Variants in ACTR3 observed in about 807,000 individuals in gnomAD.
ACTR3 encodes actin-related protein 3.
ACTR3 carries 12 observed loss-of-function variants against 56.8 expected under a neutral mutation model. The observed-to-expected ratio is 0.21, with a 90% confidence interval of 0.14 to 0.34. The LOEUF is 0.34. Among genes scored for constraint, ACTR3 ranks in the 10% least tolerant of loss-of-function variants. The pLI, the probability that ACTR3 is intolerant of heterozygous loss-of-function variation, is 1.00. For missense variants in ACTR3, 282 were observed against 512.5 expected, an observed-to-expected ratio of 0.55 and a Z score of 4.34; for synonymous variants, 162 against 167.4, an observed-to-expected ratio of 0.97 and a Z score of 0.25.
chr2:113,916,718 T>C (rs1679411236), intron 2 of ACTR3, among the ~76,000 whole-genome samples, 166 bp from the exon 3 acceptor site: 1 of 152,200 alleles, frequency 6.6e-6, no homozygotes, highest in Non-Finnish European at 1.5e-5. Flanking sequence ...TTGTGTGAAA[T>C]GAATTTTGTC....
At chr2:113,929,500 T>C (rs1679680034) in intron 4 of ACTR3, among the ~76,000 whole-genome samples, 1 of 152,184 alleles carries the variant, frequency 6.6e-6, no homozygotes, top group Non-Finnish European at 1.5e-5. Context: ...TGTGGACATA[T>C]GTTTTCATTT....
At chr2:113,957,112 G>T (rs1318058906) in intron 11 of ACTR3, among the ~76,000 whole-genome samples, 2 of 152,166 alleles carry the variant, frequency 1.3e-5, no homozygotes, top group African/African-American at 2.4e-5. Context: ...CAGAATCCTC[G>T]CAGCAGGTGT....
At chr2:113,893,486 G>A (rs1296019217) in intron 1 of ACTR3, among the ~76,000 whole-genome samples, 6 of 152,166 alleles carry the variant, frequency 3.9e-5, no homozygotes, top group East Asian at 1.9e-4. Context: ...TAGAGATGGG[G>A]TTTCACCATG....
intron 1 of ACTR3, among the ~76,000 whole-genome samples, chr2:113,892,683 A>G (rs1678927974): frequency 6.6e-6 from 1 of 152,158 alleles, no homozygotes; most frequent in South Asian, 2.1e-4. Flanking sequence ...TGCACCTGTA[A>G]TTTGTCTAAT....
At chr2:113,921,386 A>C (rs1461127845) in intron 3 of ACTR3, among the ~76,000 whole-genome samples, 1 of 149,820 alleles carries the variant, frequency 6.7e-6, no homozygotes, top group East Asian at 2.0e-4. Flanking sequence ...CCTCTGTCAG[A>C]TGTACAGTTT....
chr2:113,909,387 C>T lies in ACTR3; in HGVS notation c.45-3785C>T, dbSNP rs982297158. 3.9e-5 allele frequency among the ~76,000 whole-genome samples: 6 copies of T among 152,230 alleles called. No individual in the cohort carries two copies. In the South Asian group the frequency reaches 1.2e-3, roughly 32 times the overall value. On this transcript the variant is annotated intron_variant, in intron 1 of 11. Transcript: ENST00000263238. ...GGCCAAGAATGGGGTCTTGATCAGT[C>T]TGGTAAGCTGGTTAAATGAATGTTT...
At chr2:113,935,396 A>G (rs188219413) in intron 6 of ACTR3, among the ~76,000 whole-genome samples, 29 of 152,232 alleles carry the variant, frequency 1.9e-4, no homozygotes, top group Admixed American at 1.6e-3. Context: ...GCAACCACGA[A>G]TCTACTTTTT....
intron 3 of ACTR3, among the ~76,000 whole-genome samples, chr2:113,923,350 G>GTTTT (rs375735975): frequency 0.03 from 1,707 of 56,910 alleles, 40 homozygotes; most frequent in African/African-American, 0.066. Context: ...TTGTTTGTTT[G>GTTTT]TTTTTGAGAC....
intron 5 of ACTR3, among the ~76,000 whole-genome samples, chr2:113,932,527 T>A (rs1173897558): frequency 6.6e-6 from 1 of 152,220 alleles, no homozygotes; most frequent in East Asian, 1.9e-4. Flanking sequence ...ATTTCCTTAG[T>A]GGCCTCTGAG....
rs922457150 is a variant in ACTR3 at position 113,961,655 on chromosome 2, A to C, written c.*4200A>C. ...TCCCAGAAGCATTGATTGACTGTCTACTGTGGTTCAAGTACTGTGCATAAA... is the reference window on the plus strand; with the variant it reads ...TCCCAGAAGCATTGATTGACTGTCTCCTGTGGTTCAAGTACTGTGCATAAA... On this transcript the variant is annotated 3_prime_UTR_variant, in exon 12 of 12. Transcript: ENST00000263238. 1 of 151,922 alleles carries C rather than the reference A, an allele frequency of 6.6e-6. No individual in the cohort carries two copies. Among genetic ancestry groups the C allele is most frequent in the Non-Finnish European group, 1.5e-5 (1 of 67,866 alleles). The allele number at this position is 151,922 out of a possible 1,614,324, so 9.4% of individuals were successfully genotyped here.
At position 113,913,230 on chromosome 2, in the gene ACTR3, A is replaced by G. The variant is rs1679340454; in HGVS notation, c.100+3A>G. 3 of 1,583,692 alleles carry G rather than the reference A, an allele frequency of 1.9e-6. No individual in the cohort carries two copies. The South Asian group carries it at 3.5e-5, about 18-fold the overall frequency. On this transcript the variant is annotated splice_donor_region_variant and intron_variant, in intron 2 of 11. Coordinates refer to ENST00000263238, the MANE Select transcript of ACTR3 (RefSeq NM_005721.5). The stretch of plus-strand genomic sequence containing the variant: ...ACCACAGTTTATCATCCCTTCCTGT[A>G]AGTATTTCTTTTAAGCCACAAATGA...
Position 113,957,899 on chromosome 2 carries a change from T to C in ACTR3, c.*444T>C, listed in dbSNP as rs114799498. 763 of 153,700 alleles carry C rather than the reference T, an allele frequency of 5.0e-3. 11 individuals are homozygous for C. Among genetic ancestry groups the C allele is most frequent in the African/African-American group, 0.017 (710 of 41,558 alleles). 9.5% of individuals were successfully genotyped at this position (153,700 alleles called of 1,614,324 possible). On this transcript the variant is annotated 3_prime_UTR_variant, in exon 12 of 12. Transcript: ENST00000263238. ...AAATTGTATTTGAGGGAAAAAACCA[T>C]GACCAAGTAAAGGATAAATTCAAAA...
chr2:113,942,582 A>T (rs1031558203), intron 8 of ACTR3, among the ~76,000 whole-genome samples: 5 of 152,088 alleles, frequency 3.3e-5, no homozygotes, highest in African/African-American at 4.8e-5. Context: ...AAAACTTTTT[A>T]AAAAATATGT....
At chr2:113,942,703 G>T (rs1679945999) in intron 8 of ACTR3, among the ~76,000 whole-genome samples, 1 of 151,760 alleles carries the variant, frequency 6.6e-6, no homozygotes, top group East Asian at 1.9e-4. Context: ...TTTTGGGAAA[G>T]GTTCTAGAAA....
chr2:113,896,518 T>G (rs942409630), intron 1 of ACTR3, among the ~76,000 whole-genome samples: 16 of 152,234 alleles, frequency 1.1e-4, no homozygotes, highest in Non-Finnish European at 1.5e-5. Flanking sequence ...GAGTTAGTTT[T>G]AAGAAACTGA....
intron 10 of ACTR3, chr2:113,953,489 G>A: frequency 6.6e-6 from 1 of 152,150 alleles, no homozygotes; most frequent in Admixed American, 6.5e-5. Flanking sequence ...TGCTCATCAT[G>A]TATAGGAAAA....
rs553894665 is a variant in ACTR3, at chr2:113,921,408, G to C, written c.225+4400G>C. 2.7e-5 allele frequency among the ~76,000 whole-genome samples: 4 copies of C among 147,970 alleles called. No individual in the cohort carries two copies. The East Asian group carries it at 8.1e-4, about 30-fold the overall frequency. On this transcript the variant is annotated intron_variant, in intron 3 of 11. Coordinates refer to ENST00000263238, the MANE Select transcript of ACTR3 (RefSeq NM_005721.5). Reference sequence around the variant, plus strand: ...CAGATGTACAGTTTGCGGGCATTTTGACCCATTCCATAACTTGTATTTTCC... The same window carrying C: ...CAGATGTACAGTTTGCGGGCATTTTCACCCATTCCATAACTTGTATTTTCC...
intron 7 of ACTR3, among the ~76,000 whole-genome samples, chr2:113,941,075 A>G (rs1307868712): frequency 3.9e-5 from 6 of 152,018 alleles, no homozygotes. Flanking sequence ...CGGAATCTCA[A>G]AGTGCTGGAT....
intron 1 of ACTR3, among the ~76,000 whole-genome samples, chr2:113,899,843 A>C (rs192024356): frequency 9.8e-5 from 15 of 152,296 alleles, no homozygotes; most frequent in African/African-American, 3.6e-4. Context: ...TATTTGGGGG[A>C]TGGGTCAGTT....
Sources: gnomAD v4.1 joint callset for allele counts (sites outside exome capture counted in the v4.1 genomes callset) on GRCh38, gnomAD v4.1.1 for gene constraint, MANE v1.5 for transcripts, NCBI Gene and HGNC (gene_info 2026-07-23, HGNC 2026-07-21) for gene names.